ZC3H12B: variants seen among roughly 807,000 people sequenced by gnomAD.
The protein encoded by ZC3H12B is zinc finger CCCH-type containing 12B.
A neutral mutation model predicts 43.9 loss-of-function variants in ZC3H12B; 7 were observed. The observed-to-expected ratio is 0.16, with a 90% CI of 0.09 to 0.30. The LOEUF is 0.30. Among genes scored for constraint, ZC3H12B ranks in the 10% least tolerant of loss-of-function variants. The pLI, the probability that ZC3H12B is intolerant of heterozygous loss-of-function variation, is 1.00. For missense variants in ZC3H12B, 475 were observed against 670.2 expected (o/e 0.71, Z 3.22); for synonymous variants, 222 against 241.7 (o/e 0.92, Z 0.76).
At chrX:65,163,879 T>G in the ZC3H12B span, among the ~76,000 whole-genome samples, 1 of 112,000 alleles carries the variant, frequency 8.9e-6, no homozygotes, top group Non-Finnish European at 1.9e-5. Flanking sequence ...CGCTGGGAGA[T>G]GTAGACCGTC....
At chrX:65,167,446 C>A in the ZC3H12B span, among the ~76,000 whole-genome samples, 1 of 111,575 alleles carries the variant, frequency 9.0e-6, no homozygotes, top group Admixed American at 9.6e-5. Flanking sequence ...GTTACTGTAG[C>A]CTTGTAGTGT....
the ZC3H12B span, among the ~76,000 whole-genome samples, chrX:65,180,629 CAG>C: frequency 1.8e-5 from 2 of 111,191 alleles, no homozygotes; most frequent in Admixed American, 1.9e-4. Context: ...AATAGACAAA[CAG>C]AGAGCCAAAT....
the ZC3H12B span, among the ~76,000 whole-genome samples, chrX:65,161,696 TG>T: frequency 8.9e-6 from 1 of 112,239 alleles, no homozygotes; most frequent in East Asian, 2.8e-4. Flanking sequence ...AGCACACTGC[TG>T]GGTCTTGACT....
At chrX:65,084,133 A>G in the ZC3H12B span, among the ~76,000 whole-genome samples, 32 of 112,367 alleles carry the variant, frequency 2.8e-4, no homozygotes, top group Non-Finnish European at 5.6e-4. Context: ...ACTTAAATCT[A>G]AGACCTCAAA....
At chrX:65,138,879 A>T in the ZC3H12B span, among the ~76,000 whole-genome samples, 1 of 112,176 alleles carries the variant, frequency 8.9e-6, no homozygotes, top group Admixed American at 9.4e-5. Flanking sequence ...TGGCCATCTG[A>T]ATGCCTTCCT....
At chrX:65,331,200 G>A in the ZC3H12B span, 1 of 152,155 alleles carries the variant, frequency 6.6e-6, no homozygotes, top group South Asian at 1.7e-4. Context: ...CCACCCTCCT[G>A]GAGTTTAGGC....
the ZC3H12B span, among the ~76,000 whole-genome samples, chrX:65,154,272 A>T: frequency 8.9e-6 from 1 of 111,912 alleles, no homozygotes; most frequent in Admixed American, 9.5e-5. Context: ...AAATTTTCTC[A>T]TGCCGTACAC....
the ZC3H12B span, among the ~76,000 whole-genome samples, chrX:65,060,907 A>C: frequency 0.083 from 9,204 of 110,656 alleles, 1,026 homozygotes; most frequent in African/African-American, 0.29. Flanking sequence ...GAATTTCTTT[A>C]CTCGTAGACT....
chrX:65,320,234 T>C, the ZC3H12B span, among the ~76,000 whole-genome samples: 18 of 111,789 alleles, frequency 1.6e-4, no homozygotes, highest in Admixed American at 1.7e-3. Context: ...CAAAAATTAC[T>C]GGGATTCCGT....
At chrX:65,372,147 C>A (rs1333826432) in intron 2 of ZC3H12B, among the ~76,000 whole-genome samples, 4 of 111,874 alleles carry the variant, frequency 3.6e-5, no homozygotes, top group Non-Finnish European at 7.5e-5. Flanking sequence ...CCCTTTTTGA[C>A]AAATAAATGA....
the ZC3H12B span, among the ~76,000 whole-genome samples, chrX:65,305,117 T>C: frequency 2.9e-4 from 32 of 112,086 alleles, no homozygotes; most frequent in Non-Finnish European, 5.5e-4. Context: ...ACCACACATC[T>C]ATTACACTGT....
At chrX:65,151,884 T>A in the ZC3H12B span, among the ~76,000 whole-genome samples, 3 of 111,785 alleles carry the variant, frequency 2.7e-5, no homozygotes, top group Non-Finnish European at 3.8e-5. Flanking sequence ...TTATCCACCA[T>A]GATCAAGTGG....
At chrX:65,116,876 G>T in the ZC3H12B span, among the ~76,000 whole-genome samples, 1 of 111,659 alleles carries the variant, frequency 9.0e-6, no homozygotes, top group Non-Finnish European at 1.9e-5. Context: ...CCATGTCTCT[G>T]CAAGGGACAT....
chrX:65,109,967 C>T, the ZC3H12B span, among the ~76,000 whole-genome samples: 67 of 111,361 alleles, frequency 6.0e-4, no homozygotes, highest in African/African-American at 2.2e-3. Flanking sequence ...TTTTCCTGTG[C>T]TTATTGGACT....
At chrX:65,088,768 G>A in the ZC3H12B span, among the ~76,000 whole-genome samples, 3 of 111,006 alleles carry the variant, frequency 2.7e-5, no homozygotes, top group Non-Finnish European at 5.7e-5. Context: ...CTTCTGAAAT[G>A]TCTCTTCCAT....
chrX:65,246,020 C>T, the ZC3H12B span, among the ~76,000 whole-genome samples: 1 of 111,688 alleles, frequency 9.0e-6, no homozygotes, highest in African/African-American at 3.3e-5. Context: ...AACTTCATAG[C>T]TTTCTCCCAA....
the ZC3H12B span, among the ~76,000 whole-genome samples, chrX:65,191,585 A>G: frequency 5.5e-4 from 57 of 103,440 alleles, no homozygotes; most frequent in Admixed American, 2.8e-3. Context: ...GTTTATTTGC[A>G]TAGAGGTGTT....
At chrX:65,207,351 G>A in the ZC3H12B span, among the ~76,000 whole-genome samples, 3 of 109,783 alleles carry the variant, frequency 2.7e-5, no homozygotes, top group African/African-American at 9.9e-5. Flanking sequence ...GATGGAATTG[G>A]AGACTATTAT....
At chrX:65,466,767 G>T (rs937325535) in intron 3 of ZC3H12B, among the ~76,000 whole-genome samples, 1 of 103,581 alleles carries the variant, frequency 9.7e-6, no homozygotes, top group African/African-American at 3.4e-5. Context: ...CTTTCTAACA[G>T]GTGTGAGGTG....
Sources: allele counts gnomAD v4.1 joint callset (sites outside exome capture counted in the v4.1 genomes callset), GRCh38; gene constraint gnomAD v4.1.1; transcripts MANE v1.5; gene names NCBI Gene and HGNC (gene_info 2026-07-23, HGNC 2026-07-21).